The following PRR16 variants were observed in gnomAD, a reference collection of about 807,000 sequenced individuals.
PRR16 encodes the protein protein Largen.
Under a neutral mutation model 18.2 loss-of-function variants are expected in PRR16, and 6 were observed. That is an observed-to-expected ratio of 0.33 (90% CI 0.18 to 0.65). The LOEUF (loss-of-function observed/expected upper bound fraction) is 0.65. Ranked by LOEUF, PRR16 falls within the 30% of genes least tolerant of loss-of-function variation. The pLI, the probability that PRR16 is intolerant of heterozygous loss-of-function variation, is 0.74. For synonymous variants in PRR16, 151 were observed against 147.8 expected (o/e 1.02, Z -0.16); for missense variants, 412 against 376.6 (o/e 1.09, Z -0.78).
chr5:120,649,532 A>G (rs982465769), intron 1 of PRR16, among the ~76,000 whole-genome samples: 3 of 152,164 alleles, frequency 2.0e-5, no homozygotes, highest in Non-Finnish European at 4.4e-5. Context: ...GAAATATGAT[A>G]ACTGGGTTTA....
At chr5:120,694,230 G>C in the PRR16 span, among the ~76,000 whole-genome samples, 2 of 152,062 alleles carry the variant, frequency 1.3e-5, no homozygotes, top group African/African-American at 2.4e-5. Flanking sequence ...TAATGATATT[G>C]TTTTCATCTT....
At chr5:120,773,413 C>A in the PRR16 span, among the ~76,000 whole-genome samples, 1 of 152,068 alleles carries the variant, frequency 6.6e-6, no homozygotes, top group African/African-American at 2.4e-5. Context: ...GCAGCCAGAG[C>A]TACAGCTATC....
chr5:120,732,417 A>T, the PRR16 span, among the ~76,000 whole-genome samples: 2 of 152,096 alleles, frequency 1.3e-5, no homozygotes, highest in Non-Finnish European at 2.9e-5. Context: ...AGGGAGCAGT[A>T]CCCTGATATA....
chr5:120,702,297 C>T, the PRR16 span, among the ~76,000 whole-genome samples: 9 of 149,950 alleles, frequency 6.0e-5, no homozygotes, highest in East Asian at 6.0e-4. Flanking sequence ...GGGATTGGGG[C>T]GCCGAGATAA....
At chr5:120,636,193 C>T (rs1755221495) in intron 1 of PRR16, among the ~76,000 whole-genome samples, 1 of 151,998 alleles carries the variant, frequency 6.6e-6, no homozygotes, top group Non-Finnish European at 1.5e-5. Flanking sequence ...GTGAAAATGA[C>T]CATACTGCCA....
intron 1 of PRR16, among the ~76,000 whole-genome samples, chr5:120,509,659 A>T (rs1330598049): frequency 6.6e-6 from 1 of 152,018 alleles, no homozygotes; most frequent in Non-Finnish European, 1.5e-5. Flanking sequence ...CTGCTTTCGA[A>T]TTTTCAATTG....
intron 1 of PRR16, among the ~76,000 whole-genome samples, chr5:120,516,690 C>T (rs141611610): frequency 4.3e-4 from 66 of 152,072 alleles, no homozygotes; most frequent in Middle Eastern, 6.8e-3. Flanking sequence ...TAAGCGAAAA[C>T]GGGAATCAGC....
At chr5:120,486,259 T>C (rs1243606772) in intron 1 of PRR16, among the ~76,000 whole-genome samples, 3 of 152,170 alleles carry the variant, frequency 2.0e-5, no homozygotes, top group Admixed American at 2.0e-4. Flanking sequence ...AGTTTACAGT[T>C]CCAACAGCAG....
At chr5:120,688,958 T>A (rs1000478347), downstream of PRR16, among the ~76,000 whole-genome samples, 1 of 152,196 alleles carries the variant, frequency 6.6e-6, no homozygotes. Flanking sequence ...TGAAAGACCA[T>A]ATTTTTCTGT....
At chr5:120,787,800 C>T in the PRR16 span, among the ~76,000 whole-genome samples, 11 of 152,218 alleles carry the variant, frequency 7.2e-5, no homozygotes, top group African/African-American at 2.4e-4. Flanking sequence ...ACTTTCCACA[C>T]TTCTAGGCAC....
At chr5:120,625,169 G>A (rs1353500667) in intron 1 of PRR16, among the ~76,000 whole-genome samples, 1 of 152,018 alleles carries the variant, frequency 6.6e-6, no homozygotes. Flanking sequence ...ATATTCACAA[G>A]GAGGTGACAG....
intron 1 of PRR16, among the ~76,000 whole-genome samples, chr5:120,483,249 C>T (rs1749679924): frequency 6.6e-6 from 1 of 152,038 alleles, no homozygotes; most frequent in Non-Finnish European, 1.5e-5. Flanking sequence ...TTGTAAATGA[C>T]ACAGATTACC....
chr5:120,641,002 G>A (rs763956351), intron 1 of PRR16, among the ~76,000 whole-genome samples: 2 of 152,068 alleles, frequency 1.3e-5, no homozygotes, highest in Non-Finnish European at 2.9e-5. Flanking sequence ...AAGAAGAGGC[G>A]ATTGTAAGGC....
At chr5:120,782,670 T>C in the PRR16 span, among the ~76,000 whole-genome samples, 1 of 152,122 alleles carries the variant, frequency 6.6e-6, no homozygotes, top group Non-Finnish European at 1.5e-5. Flanking sequence ...GAACAGGCAT[T>C]AAGTGGTACA....
chr5:120,740,951 TAA>T, the PRR16 span, among the ~76,000 whole-genome samples: 3 of 152,086 alleles, frequency 2.0e-5, no homozygotes, highest in Non-Finnish European at 4.4e-5. Flanking sequence ...TAACAAAAAT[TAA>T]GAGCACAATT....
At chr5:120,639,043 C>T (rs555473704) in intron 1 of PRR16, among the ~76,000 whole-genome samples, 26 of 152,088 alleles carry the variant, frequency 1.7e-4, no homozygotes, top group African/African-American at 5.1e-4. Context: ...TTATTTCAAA[C>T]GAGTATGTAG....
At chr5:120,467,619 T>C (rs1749144477) in intron 1 of PRR16, among the ~76,000 whole-genome samples, 1 of 152,140 alleles carries the variant, frequency 6.6e-6, no homozygotes, top group African/African-American at 2.4e-5. Context: ...AACACTTTAA[T>C]AAGTAGTGAC....
intron 1 of PRR16, among the ~76,000 whole-genome samples, chr5:120,483,364 G>A (rs1360826913): frequency 6.6e-6 from 1 of 152,058 alleles, no homozygotes; most frequent in Non-Finnish European, 1.5e-5. Flanking sequence ...GCCCTGTATT[G>A]TCTTGGCCAG....
chr5:120,757,163 C>T, the PRR16 span, among the ~76,000 whole-genome samples: 7 of 151,686 alleles, frequency 4.6e-5, no homozygotes, highest in Non-Finnish European at 1.0e-4. Flanking sequence ...TCTTTATTCT[C>T]TTCTTGGTCT....
Sources: gnomAD v4.1 joint callset for allele counts (sites outside exome capture counted in the v4.1 genomes callset) on GRCh38, gnomAD v4.1.1 for gene constraint, MANE v1.5 for transcripts, NCBI Gene and HGNC (gene_info 2026-07-23, HGNC 2026-07-21) for gene names.